MAPK8: variants seen among roughly 807,000 people sequenced by gnomAD.
The protein encoded by MAPK8 is mitogen-activated protein kinase 8.
In MAPK8, 13 loss-of-function variants were observed where a neutral mutation model predicts 52.9. The ratio of observed to expected loss-of-function variants is 0.25; its 90% CI spans 0.16 to 0.39. MAPK8 has a LOEUF of 0.39. Among genes scored for constraint, MAPK8 ranks in the 10% least tolerant of loss-of-function variants. MAPK8 has a pLI of 1.00. For synonymous variants in MAPK8, 191 were observed against 169.8 expected (o/e 1.12, Z -0.97); for missense variants, 300 against 519.2 (o/e 0.58, Z 4.10).
chr10:48,349,237 T>C (rs1229735497), intron 1 of MAPK8, among the ~76,000 whole-genome samples: 3 of 152,142 alleles, frequency 2.0e-5, no homozygotes, highest in African/African-American at 7.2e-5. Flanking sequence ...TTAACAAGGA[T>C]ATCCAGGAGT....
intron 1 of MAPK8, among the ~76,000 whole-genome samples, chr10:48,390,807 A>C (rs1440290457): frequency 6.6e-6 from 1 of 152,246 alleles, no homozygotes; most frequent in African/African-American, 2.4e-5. Context: ...TTGTTACTTT[A>C]AAAAGATTTA....
chr10:48,349,272 A>G (rs1846079970), intron 1 of MAPK8, among the ~76,000 whole-genome samples: 2 of 152,166 alleles, frequency 1.3e-5, no homozygotes, highest in African/African-American at 4.8e-5. Flanking sequence ...GACCAAGCGG[A>G]CCTAATAGAC....
chr10:48,324,977 A>G (rs528588440), intron 1 of MAPK8, among the ~76,000 whole-genome samples: 78 of 38,768 alleles, frequency 2.0e-3, no homozygotes, highest in African/African-American at 0.011. Flanking sequence ...TTCTAACCCT[A>G]TCATCCTTTT....
At chr10:48,352,211 T>G (rs1392939455) in intron 1 of MAPK8, among the ~76,000 whole-genome samples, 1 of 152,082 alleles carries the variant, frequency 6.6e-6, no homozygotes, top group African/African-American at 2.4e-5. Flanking sequence ...TAAAGAAGAA[T>G]TTACACTATT....
chr10:48,384,786 A>C (rs1439006287), intron 1 of MAPK8, among the ~76,000 whole-genome samples: 1 of 152,236 alleles, frequency 6.6e-6, no homozygotes, highest in East Asian at 1.9e-4. Context: ...GCCAGGTGCC[A>C]AGTCCAGGAA....
At position 48,401,600 on chromosome 10, in the gene MAPK8, T is replaced by TCA. The variant is rs981089751; in HGVS notation, c.-49-12_-49-11insCA. The TCA allele has an allele frequency of 1.9e-5, 30 of 1,580,514 alleles. No homozygotes were observed. Among genetic ancestry groups the TCA allele is most frequent in the Non-Finnish European group, 2.4e-5 (28 of 1,158,600 alleles). Reference sequence around the variant, plus strand: ...TCATTTTGTTAACATCATGTTTTGTTGCATCTTGCAGCTTCTTGGTGAATT... The same window carrying TCA: ...TCATTTTGTTAACATCATGTTTTGTTCAGCATCTTGCAGCTTCTTGGTGAATT... On this transcript the variant is annotated splice_polypyrimidine_tract_variant and intron_variant, in intron 1 of 11. Coordinates refer to ENST00000374189, the MANE Select transcript of MAPK8 (RefSeq NM_001323329.2).
chr10:48,334,166 T>C (rs1391303977), intron 1 of MAPK8, among the ~76,000 whole-genome samples: 3 of 151,912 alleles, frequency 2.0e-5, no homozygotes, highest in Non-Finnish European at 2.9e-5. Flanking sequence ...TGAAGGAGAG[T>C]GGAGAGTAAA....
intron 1 of MAPK8, among the ~76,000 whole-genome samples, chr10:48,347,452 G>T (rs960086759): frequency 1.3e-5 from 2 of 152,130 alleles, no homozygotes; most frequent in African/African-American, 2.4e-5. Context: ...GAATGTGCAG[G>T]TTTGTTACAT....
At chr10:48,353,772 TCA>T (rs2132459365) in intron 1 of MAPK8, among the ~76,000 whole-genome samples, 2 of 152,314 alleles carry the variant, frequency 1.3e-5, no homozygotes, top group South Asian at 4.1e-4. Context: ...GCTCGAAAAG[TCA>T]CATATGTATG....
chr10:48,425,537 G>A, intron 7 of MAPK8: 1 of 325,870 alleles, frequency 3.1e-6, no homozygotes, highest in Non-Finnish European at 5.5e-6. Flanking sequence ...GAAAAATTTT[G>A]TATATTATTA....
intron 1 of MAPK8, among the ~76,000 whole-genome samples, chr10:48,324,119 T>G (rs1379105311): frequency 6.6e-6 from 1 of 152,250 alleles, no homozygotes; most frequent in Non-Finnish European, 1.5e-5. Context: ...TGTTAGCTTT[T>G]TTGTCATATT....
At chr10:48,322,357 C>T (rs571419891) in intron 1 of MAPK8, among the ~76,000 whole-genome samples, 1 of 151,586 alleles carries the variant, frequency 6.6e-6, no homozygotes, top group South Asian at 2.1e-4. Context: ...ATGTCTGTGT[C>T]GGATAACTTA....
intron 1 of MAPK8, among the ~76,000 whole-genome samples, chr10:48,388,507 G>A (rs908829221): frequency 6.6e-6 from 1 of 152,054 alleles, no homozygotes; most frequent in Non-Finnish European, 1.5e-5. Context: ...GGGAATCAAT[G>A]TAAAAACCCC....
intron 11 of MAPK8, among the ~76,000 whole-genome samples, chr10:48,432,778 A>C (rs965325820): frequency 6.6e-5 from 10 of 152,226 alleles, no homozygotes; most frequent in Non-Finnish European, 1.3e-4. Context: ...TTAGTCCAGC[A>C]CTTGCTTATG....
chr10:48,311,492 G>T (rs762209597), intron 1 of MAPK8, among the ~76,000 whole-genome samples: 56 of 152,152 alleles, frequency 3.7e-4, no homozygotes, highest in South Asian at 4.1e-4. Context: ...TTTCCCACAG[G>T]AGAAAATTGC....
At chr10:48,392,090 G>A (rs1026611696) in intron 1 of MAPK8, among the ~76,000 whole-genome samples, 1 of 151,964 alleles carries the variant, frequency 6.6e-6, no homozygotes, top group Non-Finnish European at 1.5e-5. Context: ...AATGGGATTG[G>A]ACAAAAAGGG....
intron 1 of MAPK8, among the ~76,000 whole-genome samples, chr10:48,310,020 A>G (rs1400991086): frequency 6.6e-6 from 1 of 152,194 alleles, no homozygotes; most frequent in Non-Finnish European, 1.5e-5. Context: ...AATGCAGGTT[A>G]AGTTGAACTT....
chr10:48,356,416 C>T (rs1319948798), intron 1 of MAPK8, among the ~76,000 whole-genome samples: 1 of 152,100 alleles, frequency 6.6e-6, no homozygotes, highest in African/African-American at 2.4e-5. Context: ...AGGAGAAAAA[C>T]CCAGAAACAC....
At chr10:48,308,035 A>G (rs1449294272) in intron 1 of MAPK8, 2 of 152,258 alleles carry the variant, frequency 1.3e-5, no homozygotes, top group Admixed American at 6.5e-5. Flanking sequence ...AGGAAGTAGA[A>G]TTAGATTTGG....
Sources: allele counts gnomAD v4.1 joint callset (sites outside exome capture counted in the v4.1 genomes callset), GRCh38; gene constraint gnomAD v4.1.1; transcripts MANE v1.5; gene names NCBI Gene and HGNC (gene_info 2026-07-23, HGNC 2026-07-21).